EPB41L3: variants seen among roughly 807,000 people sequenced by gnomAD.
The protein encoded by EPB41L3 is band 4.1-like protein 3.
EPB41L3 carries 57 observed loss-of-function variants against 127.1 expected under a neutral mutation model. The ratio of observed to expected loss-of-function variants is 0.45; its 90% CI spans 0.36 to 0.56. The LOEUF (loss-of-function observed/expected upper bound fraction) is 0.56, where lower values mean the gene tolerates loss of function less well. Ranked by LOEUF, EPB41L3 falls within the 20% of genes least tolerant of loss-of-function variation. EPB41L3 has a pLI of 0.00. For missense variants in EPB41L3, 1,273 were observed against 1,372.2 expected, an observed-to-expected ratio of 0.93 and a Z score of 1.14; for synonymous variants, 572 against 549.5, an observed-to-expected ratio of 1.04 and a Z score of -0.57.
At chr18:5,545,757 A>G (rs965129235), upstream of EPB41L3, among the ~76,000 whole-genome samples, 7 of 152,182 alleles carry the variant, frequency 4.6e-5, no homozygotes, top group African/African-American at 1.7e-4. Context: ...GGTGACAGAT[A>G]AAGGTGACAG....
At chr18:5,450,179 G>C (rs1015865656) in intron 3 of EPB41L3, among the ~76,000 whole-genome samples, 1 of 152,110 alleles carries the variant, frequency 6.6e-6, no homozygotes, top group Non-Finnish European at 1.5e-5. Flanking sequence ...TAAGGGTTTG[G>C]GGGTGGGGAG....
chr18:5,398,017 C>T lies in EPB41L3; in HGVS notation c.2472+4G>A. ...AAACACCAAGGACGAAAACAAATGG[C>T]CACCTGAACCCAGCTTTGAGAAGTA... On this transcript the variant is annotated splice_donor_region_variant and intron_variant, in intron 17 of 22. Coordinates refer to ENST00000341928, the MANE Select transcript of EPB41L3 (RefSeq NM_012307.5). 1 of 1,614,074 alleles carries T rather than the reference C, an allele frequency of 6.2e-7. No individual in the cohort carries two copies. The highest frequency in any genetic ancestry group is 8.5e-7 in the Non-Finnish European group (1 of 1,179,952).
At chr18:5,558,960 G>A (rs777893889) in intron 3 of EPB41L3, among the ~76,000 whole-genome samples, 4 of 152,128 alleles carry the variant, frequency 2.6e-5, no homozygotes, top group African/African-American at 7.2e-5. Flanking sequence ...AATATTATGA[G>A]TATTTTCCTT....
intron 1 of EPB41L3, chr18:5,518,556 TTTGTATCTGC>T (rs1238062911): frequency 6.6e-6 from 1 of 152,058 alleles, no homozygotes; most frequent in Non-Finnish European, 1.5e-5. Context: ...ACAGCAGGGG[TTTGTATCTGC>T]TTGCTTCTCT....
At chr18:5,395,251 A>G in intron 20 of EPB41L3, 104 bp from the exon 21 acceptor site, 1 of 986,736 alleles carries the variant, frequency 1.0e-6, no homozygotes, top group Non-Finnish European at 1.6e-6. Context: ...TCACTCTTCG[A>G]GAATTGAAAT....
At chr18:5,556,591 G>T (rs1726310386) in intron 3 of EPB41L3, among the ~76,000 whole-genome samples, 1 of 152,146 alleles carries the variant, frequency 6.6e-6, no homozygotes, top group South Asian at 2.1e-4. Context: ...ATCTCATTAG[G>T]AAAGTTAGAG....
At chr18:5,439,094 T>C (rs890544844) in intron 5 of EPB41L3, among the ~76,000 whole-genome samples, 2 of 152,100 alleles carry the variant, frequency 1.3e-5, no homozygotes, top group Non-Finnish European at 2.9e-5. Flanking sequence ...TGTGGTGCTG[T>C]TCATATTTGT....
chr18:5,402,528 T>C (rs1443011662), intron 16 of EPB41L3, among the ~76,000 whole-genome samples: 3 of 152,152 alleles, frequency 2.0e-5, no homozygotes, highest in African/African-American at 7.2e-5. Context: ...ATTGAAAATA[T>C]TAACAGTGTC....
intron 1 of EPB41L3, among the ~76,000 whole-genome samples, chr18:5,624,668 A>T (rs537402753): frequency 2.6e-5 from 4 of 152,256 alleles, no homozygotes; most frequent in African/African-American, 9.6e-5. Context: ...TTCTGTCATA[A>T]ACTCTCCTCA....
At chr18:5,615,341 C>CG (rs1233627957) in intron 1 of EPB41L3, among the ~76,000 whole-genome samples, 1 of 151,594 alleles carries the variant, frequency 6.6e-6, no homozygotes, top group African/African-American at 2.4e-5. Context: ...AGTGACTCAC[C>CG]CTCTGTGAAC....
At chr18:5,555,108 CTG>C (rs1378129852) in intron 3 of EPB41L3, among the ~76,000 whole-genome samples, 2 of 152,184 alleles carry the variant, frequency 1.3e-5, no homozygotes, top group African/African-American at 2.4e-5. Context: ...GAAGCCTGTG[CTG>C]TGTTTTTCCA....
At chr18:5,589,917 A>G (rs1033376491) in intron 3 of EPB41L3, among the ~76,000 whole-genome samples, 1 of 152,178 alleles carries the variant, frequency 6.6e-6, no homozygotes, top group Admixed American at 6.5e-5. Flanking sequence ...TTTTCCTTCC[A>G]TCACTGTTCA....
At chr18:5,410,716 T>C in intron 13 of EPB41L3, 97 bp from the exon 14 acceptor site, 1 of 915,274 alleles carries the variant, frequency 1.1e-6, no homozygotes, top group Non-Finnish European at 1.7e-6. Flanking sequence ...AGACAGGTCA[T>C]TTTCTTTCTC....
At chr18:5,553,509 G>A (rs971488397) in intron 3 of EPB41L3, among the ~76,000 whole-genome samples, 1 of 152,194 alleles carries the variant, frequency 6.6e-6, no homozygotes, top group East Asian at 1.9e-4. Flanking sequence ...TACAGAAAAG[G>A]GAAATTAATT....
upstream of EPB41L3, among the ~76,000 whole-genome samples, chr18:5,548,356 T>C (rs941701516): frequency 1.3e-5 from 2 of 152,190 alleles, no homozygotes; most frequent in African/African-American, 4.8e-5. Context: ...TATACCCCAT[T>C]TCAGGGGTCT....
intron 14 of EPB41L3, among the ~76,000 whole-genome samples, chr18:5,408,454 T>C (rs565506332): frequency 6.6e-6 from 1 of 151,806 alleles, no homozygotes; most frequent in South Asian, 2.1e-4. Context: ...TTTGTATTTT[T>C]AGTAGAGACA....
intron 3 of EPB41L3, among the ~76,000 whole-genome samples, chr18:5,592,818 G>A (rs962592569): frequency 1.3e-5 from 2 of 152,198 alleles, no homozygotes; most frequent in African/African-American, 4.8e-5. Context: ...TGGGGGCCTG[G>A]AAAGTCAGAT....
chr18:5,423,637 A>C, intron 10 of EPB41L3, 84 bp from the exon 11 acceptor site: 1 of 1,255,964 alleles, frequency 8.0e-7, no homozygotes, highest in Non-Finnish European at 1.1e-6. Context: ...CTGAGAGGTC[A>C]TGTGTTTTGC....
chr18:5,435,196 AAGTAAAAAAATTAC>A (rs1463137941), intron 6 of EPB41L3, among the ~76,000 whole-genome samples: 2 of 152,228 alleles, frequency 1.3e-5, no homozygotes, highest in Non-Finnish European at 2.9e-5. Context: ...AAAGTTTAAA[AAGTAAAAAAATTAC>A]AGTAAGCTAA....
Sources: gnomAD v4.1 joint callset for allele counts (sites outside exome capture counted in the v4.1 genomes callset) on GRCh38, gnomAD v4.1.1 for gene constraint, MANE v1.5 for transcripts, NCBI Gene and HGNC (gene_info 2026-07-23, HGNC 2026-07-21) for gene names.